SORCS1: variants seen among roughly 807,000 people sequenced by gnomAD.
SORCS1 encodes the protein VPS10 domain-containing receptor SorCS1.
SORCS1 carries 60 observed loss-of-function variants against 146.1 expected under a neutral mutation model. That is an observed-to-expected ratio of 0.41 (90% CI 0.33 to 0.51). The LOEUF (loss-of-function observed/expected upper bound fraction) is 0.51, where lower values mean the gene tolerates loss of function less well. Ranked by LOEUF, SORCS1 falls within the 20% of genes least tolerant of loss-of-function variation. The probability of loss-of-function intolerance (pLI) is 0.21; values close to 1 mark genes in which losing one functional copy is unlikely to be tolerated. For missense variants in SORCS1, 1,352 were observed against 1,487.6 expected, an observed-to-expected ratio of 0.91 and a Z score of 1.50; for synonymous variants, 637 against 584.0, an observed-to-expected ratio of 1.09 and a Z score of -1.31.
chr10:107,054,051 G>A (rs1960374421), intron 1 of SORCS1, among the ~76,000 whole-genome samples: 1 of 152,268 alleles, frequency 6.6e-6, no homozygotes, highest in East Asian at 1.9e-4. Flanking sequence ...ACCCAACTAT[G>A]AGAATTTTTA....
rs75531535 is a variant in SORCS1 at position 107,126,160 on chromosome 10, T to A, written c.558+37809A>T. 2.2e-4 allele frequency among the ~76,000 whole-genome samples: 33 copies of A among 152,298 alleles called. No individual in the cohort carries two copies. The East Asian group carries it at 6.2e-3, about 28-fold the overall frequency. On this transcript the variant is annotated intron_variant, in intron 1 of 25. Coordinates refer to ENST00000263054, the MANE Select transcript of SORCS1 (RefSeq NM_052918.5). ...CGTCCCTTGAGTGACAATAATCCTT[T>A]TCATTTTAGGCTCACTTTAAGCCTA...
chr10:107,164,571 T>G lies in SORCS1; in HGVS notation c.-45A>C. 7.6e-7 allele frequency: 1 copy of G among 1,309,044 alleles called. No individual in the cohort carries two copies. 81.1% of individuals were successfully genotyped at this position (1,309,044 alleles called of 1,614,324 possible). On this transcript the variant is annotated 5_prime_UTR_variant, in exon 1 of 26. Coordinates refer to ENST00000263054, the MANE Select transcript of SORCS1 (RefSeq NM_052918.5). The surrounding 1 kb of genome is among the most constrained non-coding windows in gnomAD (Gnocchi z 6.8). ...GGAGAGAGGGGTCCCAGAACGAAGG[T>G]GGCGGCACGAGCTCTGCGCTGGCGG...
intron 2 of SORCS1, among the ~76,000 whole-genome samples, chr10:106,845,402 G>T (rs2137198752): frequency 1.3e-5 from 1 of 75,862 alleles, no homozygotes; most frequent in Non-Finnish European, 2.8e-5. Flanking sequence ...GTCTGTTCAT[G>T]TCCCTCGCCC....
At chr10:107,054,346 A>G (rs1053211416) in intron 1 of SORCS1, among the ~76,000 whole-genome samples, 15 of 152,152 alleles carry the variant, frequency 9.9e-5, no homozygotes, top group African/African-American at 3.6e-4. Context: ...TTTTTAAAAA[A>G]GGTATATGTA....
In SORCS1 at chr10:107,073,113, A is replaced by C. The variant is rs571980418; in HGVS notation, c.558+90856T>G. 1.1e-3 allele frequency among the ~76,000 whole-genome samples: 160 copies of C among 152,320 alleles called. 1 individual carries two copies. The highest frequency in any genetic ancestry group is 3.8e-3 in the African/African-American group (158 of 41,574). ...ATGAGCTACGGCTTCAATTGCATACAGCACAGATATTCTTGTATAATTCTT... is the reference window on the plus strand; with the variant it reads ...ATGAGCTACGGCTTCAATTGCATACCGCACAGATATTCTTGTATAATTCTT... On this transcript the variant is annotated intron_variant, in intron 1 of 25. Coordinates refer to ENST00000263054, the MANE Select transcript of SORCS1 (RefSeq NM_052918.5).
intron 5 of SORCS1, among the ~76,000 whole-genome samples, chr10:106,733,506 C>T (rs1329066790): frequency 6.6e-6 from 1 of 152,178 alleles, no homozygotes. Context: ...CTTAGAAAAG[C>T]ATATCATTGC....
intron 2 of SORCS1, among the ~76,000 whole-genome samples, chr10:106,884,242 A>T (rs1304368084): frequency 6.6e-6 from 1 of 152,176 alleles, no homozygotes; most frequent in Non-Finnish European, 1.5e-5. Context: ...CCTTTTTACA[A>T]GATTTTGAAT....
intron 3 of SORCS1, among the ~76,000 whole-genome samples, chr10:106,828,649 T>C (rs1023752677): frequency 1.3e-5 from 2 of 152,206 alleles, no homozygotes; most frequent in African/African-American, 4.8e-5. Flanking sequence ...ATTAATACTA[T>C]TAGTTCATGT....
chr10:107,049,131 T>C (rs938222025), intron 1 of SORCS1, among the ~76,000 whole-genome samples: 16 of 150,680 alleles, frequency 1.1e-4, no homozygotes, highest in Admixed American at 5.3e-4. Flanking sequence ...ATGGATGAAA[T>C]TGGAAATCAT....
At chr10:106,659,909 A>T (rs1850595708) in intron 17 of SORCS1, among the ~76,000 whole-genome samples, 1 of 152,112 alleles carries the variant, frequency 6.6e-6, no homozygotes, top group South Asian at 2.1e-4. Context: ...CAGAAAGTTG[A>T]CTCTGTAGCA....
At chr10:107,172,812 C>A in the SORCS1 span, among the ~76,000 whole-genome samples, 1 of 152,148 alleles carries the variant, frequency 6.6e-6, no homozygotes, top group African/African-American at 2.4e-5. Flanking sequence ...ATGAATATGG[C>A]AATTTAAGGC....
At chr10:106,819,214 T>C (rs1333506740) in intron 3 of SORCS1, among the ~76,000 whole-genome samples, 2 of 152,202 alleles carry the variant, frequency 1.3e-5, no homozygotes, top group Non-Finnish European at 2.9e-5. Flanking sequence ...ATAACTACTT[T>C]AGGATGTTGA....
intron 1 of SORCS1, among the ~76,000 whole-genome samples, chr10:107,031,222 C>T (rs1166494266): frequency 6.6e-6 from 1 of 152,200 alleles, no homozygotes; most frequent in African/African-American, 2.4e-5. Flanking sequence ...AGAATTATTA[C>T]ATGTGTCAAT....
chr10:107,166,931 G>A (rs1013361263), upstream of SORCS1, among the ~76,000 whole-genome samples: 3 of 152,210 alleles, frequency 2.0e-5, no homozygotes, highest in East Asian at 1.9e-4. Context: ...AAATGGAAGC[G>A]CTTCCTGAAG....
intron 1 of SORCS1, among the ~76,000 whole-genome samples, chr10:107,161,887 A>G (rs1969737911): frequency 6.6e-6 from 1 of 152,186 alleles, no homozygotes; most frequent in Non-Finnish European, 1.5e-5. Flanking sequence ...ACCAGAGCAG[A>G]GACTGGGTCA....
chr10:106,970,066 C>T (rs10884395), intron 1 of SORCS1: 80,169 of 152,148 alleles, frequency 0.53, 21,547 homozygotes, highest in African/African-American at 0.59. Flanking sequence ...CGTCTGATCT[C>T]GGAAGCTAAG....
intron 1 of SORCS1, among the ~76,000 whole-genome samples, chr10:107,037,895 T>G (rs1219469739): frequency 4.6e-5 from 7 of 152,212 alleles, no homozygotes; most frequent in Non-Finnish European, 1.5e-5. Flanking sequence ...GGTGCGATCT[T>G]GGCTCATTGC....
intron 9 of SORCS1, among the ~76,000 whole-genome samples, chr10:106,693,561 T>A (rs1393651437): frequency 6.6e-6 from 1 of 152,236 alleles, no homozygotes; most frequent in Non-Finnish European, 1.5e-5. Flanking sequence ...CTACGTATCA[T>A]ATGATCTTCT....
intron 16 of SORCS1, among the ~76,000 whole-genome samples, chr10:106,669,161 A>G (rs1453632102): frequency 6.6e-6 from 1 of 152,060 alleles, no homozygotes; most frequent in Non-Finnish European, 1.5e-5. Flanking sequence ...GGGGCACGAG[A>G]GACACGGGAG....
Sources: allele counts gnomAD v4.1 joint callset (sites outside exome capture counted in the v4.1 genomes callset), GRCh38; gene constraint gnomAD v4.1.1; non-coding constraint Gnocchi (gnomAD v3.1); transcripts MANE v1.5; gene names NCBI Gene and HGNC (gene_info 2026-07-23, HGNC 2026-07-21).